Variants in TNS1 observed in about 807,000 individuals in gnomAD.
TNS1 encodes tensin 1.
TNS1 carries 62 observed loss-of-function variants against 168.6 expected under a neutral mutation model. The observed-to-expected ratio is 0.37, with a 90% CI of 0.30 to 0.45. TNS1 has a LOEUF of 0.45. Among genes scored for constraint, TNS1 ranks in the 20% least tolerant of loss-of-function variants. The probability of loss-of-function intolerance (pLI) is 1.00; values close to 1 mark genes in which losing one functional copy is unlikely to be tolerated. For missense variants in TNS1, 2,240 were observed against 2,339.4 expected (o/e 0.96, Z 0.88); for synonymous variants, 934 against 933.2 (o/e 1.00, Z -0.02).
chr2:217,917,829 CAAAAAAA>C (rs79888115), intron 4 of TNS1, among the ~76,000 whole-genome samples: 18 of 75,988 alleles, frequency 2.4e-4, no homozygotes, highest in African/African-American at 7.6e-4. Flanking sequence ...AGACTGTTCT[CAAAAAAA>C]AAAAAAAAAA....
rs1275986864 is a variant in TNS1 at position 218,010,108 on chromosome 2, G to C, written c.88C>G (p.Arg30Gly). ...TGGCCGAGAGCATTTACCTGGCTGC[G>C]GAGGCAGAAGCGCAGGGGCAGGAGG... The change falls in exon 1 of 33, where the codon CGC (arginine) becomes GGC (glycine). Residue 30 changes from arginine (R) to glycine (G), a missense_variant. Coordinates refer to the TNS1 transcript ENST00000646520. 42 of 399,184 alleles carry C rather than the reference G, an allele frequency of 1.1e-4. No individual in the cohort carries two copies. The East Asian group carries it at 1.5e-3, about 14-fold the overall frequency. 24.7% of individuals were successfully genotyped at this position (399,184 alleles called of 1,614,324 possible).
At chr2:217,808,004 G>A (rs1244305671) in intron 32 of TNS1, 71 bp downstream of exon 32, 1 of 1,574,714 alleles carries the variant, frequency 6.4e-7, no homozygotes. Flanking sequence ...GTTTCTAAAT[G>A]TGCCCCGTGC....
chr2:217,987,983 G>A (rs996073564), intron 2 of TNS1, among the ~76,000 whole-genome samples: 1 of 152,190 alleles, frequency 6.6e-6, no homozygotes, highest in Non-Finnish European at 1.5e-5. Context: ...AGTGAACCCA[G>A]TAGCCCCAGC....
intron 18 of TNS1, among the ~76,000 whole-genome samples, chr2:217,878,415 T>A (rs955313757): frequency 2.0e-4 from 30 of 152,300 alleles, no homozygotes; most frequent in East Asian, 9.6e-4. Context: ...GAAACCCAGA[T>A]CTGCTCTTGA....
In TNS1 at chr2:217,852,718, T is replaced by C. The variant is rs1223801104; in HGVS notation, c.1430-3631A>G. 2.6e-5 allele frequency among the ~76,000 whole-genome samples: 4 copies of C among 152,250 alleles called. No individual in the cohort carries two copies. In the East Asian group the frequency reaches 5.8e-4, roughly 22 times the overall value. On this transcript the variant is annotated intron_variant, in intron 18 of 32. Transcript: ENST00000682258. ...TGTCAATGTTAAACTTGTTCTGTCA[T>C]GTAATCTATCCCCAAGTGGGCTCCT...
chr2:217,893,400 G>GCGCGCACACACACACACACACA (rs58297965), intron 10 of TNS1, 39 bp downstream of exon 10: 1 of 1,251,208 alleles, frequency 8.0e-7, no homozygotes, highest in African/African-American at 1.5e-5. Context: ...GTGCGCGCGC[G>GCGCGCACACACACACACACACA]CACACACACA....
At chr2:217,891,108 C>T (rs1574970727) in intron 11 of TNS1, 63 bp from the exon 12 acceptor site, 1 of 1,543,994 alleles carries the variant, frequency 6.5e-7, no homozygotes, top group Non-Finnish European at 8.9e-7. Context: ...CTTGTTTTCC[C>T]CACCCCTGCT....
intron 31 of TNS1, 34 bp downstream of exon 31, chr2:217,808,569 T>C: frequency 6.2e-7 from 1 of 1,602,946 alleles, no homozygotes; most frequent in East Asian, 2.2e-5. Flanking sequence ...GTTAGAAAGC[T>C]GTGTGGGAGA....
intron 2 of TNS1, among the ~76,000 whole-genome samples, chr2:217,982,623 G>A (rs761434158): frequency 6.6e-6 from 1 of 151,984 alleles, no homozygotes; most frequent in Non-Finnish European, 1.5e-5. Context: ...GGCTGGTCTC[G>A]AACTCCTGAG....
chr2:217,983,899 T>G (rs549703218), intron 2 of TNS1, among the ~76,000 whole-genome samples: 3 of 152,358 alleles, frequency 2.0e-5, no homozygotes, highest in African/African-American at 7.2e-5. Context: ...TGAAACACTA[T>G]TCTGGATGTT....
rs566047158 is a variant in TNS1 at position 217,900,449 on chromosome 2, C to T, written c.371+14G>A. 5.1e-5 allele frequency: 78 copies of T among 1,534,774 alleles called. No homozygotes were observed. In the South Asian group the frequency reaches 5.1e-4, roughly 10 times the overall value. On this transcript the variant is annotated intron_variant, in intron 7 of 32. Coordinates refer to ENST00000682258, the MANE Select transcript of TNS1 (RefSeq NM_001387777.1). Reference sequence around the variant, plus strand: ...CTTGCACTCCCGCCCCCTGCCCCCACGGGCCAGGCATACCTGATGGGCTGG... The same window carrying T: ...CTTGCACTCCCGCCCCCTGCCCCCATGGGCCAGGCATACCTGATGGGCTGG...
chr2:217,951,831 C>T (rs905929837), intron 3 of TNS1, among the ~76,000 whole-genome samples: 4 of 152,254 alleles, frequency 2.6e-5, no homozygotes, highest in Admixed American at 6.5e-5. Context: ...ACAGGCTAGA[C>T]GTCCCCAGGT....
chr2:218,002,849 G>T lies in TNS1; in HGVS notation c.24C>A (p.Cys8Ter), dbSNP rs1958592342. ...AAGCAGCCAGACCTACCCAGAGCAT[G>T]CAGGACAGACAGATCCACGTCATCT... MTWICLSCMLWPEDLEAP... is the reference protein window; with the variant it reads MTWICLS The change falls in exon 1 of 33, where the codon TGC becomes TGA. Residue 8 changes from cysteine to a stop codon, truncating the protein, a stop_gained. Transcript: ENST00000682258. LOFTEE classifies it high-confidence loss of function. The T allele has an allele frequency of 6.6e-6, 3 of 456,834 alleles. No individual in the cohort carries two copies. Among genetic ancestry groups the T allele is most frequent in the Non-Finnish European group, 1.3e-5 (3 of 227,002 alleles). The allele number at this position is 456,834 out of a possible 1,614,324, so 28.3% of individuals were successfully genotyped here.
At chr2:217,909,453 C>T (rs1279322620) in intron 4 of TNS1, among the ~76,000 whole-genome samples, 1 of 152,136 alleles carries the variant, frequency 6.6e-6, no homozygotes, top group Non-Finnish European at 1.5e-5. Flanking sequence ...TCTCTTCCTC[C>T]TCTGGTTAAA....
At chr2:217,970,020 A>C (rs1957740245) in intron 3 of TNS1, among the ~76,000 whole-genome samples, 1 of 152,130 alleles carries the variant, frequency 6.6e-6, no homozygotes, top group Admixed American at 6.5e-5. Flanking sequence ...AAATTTGTAC[A>C]CAGAGACACA....
chr2:217,918,602 A>T (rs1287029107), intron 4 of TNS1, among the ~76,000 whole-genome samples: 1 of 152,216 alleles, frequency 6.6e-6, no homozygotes, highest in African/African-American at 2.4e-5. Flanking sequence ...AACAAAGCTC[A>T]TGAGACTCCC....
At chr2:217,932,288 C>T (rs1436081351) in intron 3 of TNS1, among the ~76,000 whole-genome samples, 1 of 152,194 alleles carries the variant, frequency 6.6e-6, no homozygotes, top group Non-Finnish European at 1.5e-5. Flanking sequence ...GGCATGGGCT[C>T]AAATGCCAGT....
chr2:217,802,494 G>C lies in TNS1; in HGVS notation c.*1965C>G, dbSNP rs1417918435. 6.6e-6 allele frequency: 1 copy of C among 152,270 alleles called. No homozygotes were observed. The allele number at this position is 152,270 out of a possible 1,614,324, so 9.4% of individuals were successfully genotyped here. On this transcript the variant is annotated 3_prime_UTR_variant, in exon 33 of 33. Transcript: ENST00000682258. ...ACTCGCTCAGGCCTGCAGAGTCAGG[G>C]ACAGCTCCCCACACATCCTGGGAGC...
intron 18 of TNS1, among the ~76,000 whole-genome samples, chr2:217,874,171 G>A (rs965477841): frequency 5.9e-5 from 9 of 152,072 alleles, no homozygotes; most frequent in African/African-American, 1.7e-4. Flanking sequence ...GAAAAGGGAT[G>A]GAACTTGCCC....
Sources: gnomAD v4.1 joint callset for allele counts (sites outside exome capture counted in the v4.1 genomes callset) on GRCh38, gnomAD v4.1.1 for gene constraint, MANE v1.5 for transcripts, NCBI Gene and HGNC (gene_info 2026-07-23, HGNC 2026-07-21) for gene names.